RAB40B: variants seen among roughly 807,000 people sequenced by gnomAD.
The protein encoded by RAB40B is ras-related protein Rab-40B.
In RAB40B, 21 loss-of-function variants were observed where a neutral mutation model predicts 24.0. The observed-to-expected ratio is 0.88, with a 90% CI of 0.62 to 1.26. RAB40B has a LOEUF of 1.26. Ranked by LOEUF, RAB40B falls within the 50% of genes most tolerant of loss-of-function variation. The pLI is 0.00. For missense variants in RAB40B, 348 were observed against 390.5 expected (o/e 0.89, Z 0.92); for synonymous variants, 167 against 169.8 (o/e 0.98, Z 0.13).
chr17:82,665,228 A>T (rs1354720055), intron 1 of RAB40B, among the ~76,000 whole-genome samples: 1 of 148,630 alleles, frequency 6.7e-6, no homozygotes, highest in African/African-American at 2.5e-5. Flanking sequence ...CAAACAAACA[A>T]AAAAAAAACC....
chr17:82,659,573 A>C lies in RAB40B; in HGVS notation c.342+7T>G, dbSNP rs1412027512. On this transcript the variant is annotated splice_region_variant and intron_variant, in intron 4 of 5. Transcript: ENST00000571995. Reference sequence around the variant, plus strand: ...GGATCTTGGGCAGTGGCATTTCTACAACATACCTCATCGATCTCCTTAATC... The same window carrying C: ...GGATCTTGGGCAGTGGCATTTCTACCACATACCTCATCGATCTCCTTAATC... The C allele has an allele frequency of 4.3e-6, 7 of 1,613,850 alleles. No individual in the cohort carries two copies. Among genetic ancestry groups the C allele is most frequent in the Non-Finnish European group, 5.1e-6 (6 of 1,179,890 alleles).
At position 82,694,325 on chromosome 17, in the gene RAB40B, T is replaced by C. The variant is rs150046812; in HGVS notation, c.142+4130A>G. Reference sequence around the variant, plus strand: ...TAAGCAGATCACCTGAGGTTAGGGGTTCGAGACCACCCTGGCCAACATGGA... The same window carrying C: ...TAAGCAGATCACCTGAGGTTAGGGGCTCGAGACCACCCTGGCCAACATGGA... On this transcript the variant is annotated intron_variant, in intron 1 of 5. Transcript: ENST00000571995. Among the ~76,000 whole-genome samples the C allele has an allele frequency of 1.1e-3, 171 of 151,032 alleles. 4 individuals are homozygous for C. Among genetic ancestry groups the C allele is most frequent in the Middle Eastern group, 6.8e-3 (2 of 294 alleles).
intron 1 of RAB40B, among the ~76,000 whole-genome samples, chr17:82,685,408 C>G (rs996366735): frequency 3.3e-5 from 5 of 152,114 alleles, no homozygotes; most frequent in African/African-American, 1.2e-4. Context: ...AGTCCTTCAC[C>G]GCACACAGGG....
chr17:82,684,165 G>A (rs576389964), intron 1 of RAB40B, among the ~76,000 whole-genome samples: 1 of 149,454 alleles, frequency 6.7e-6, no homozygotes, highest in Admixed American at 6.7e-5. Context: ...GGGTTGCAGT[G>A]AGCCAAGATT....
At chr17:82,683,551 G>A (rs1380832382) in intron 1 of RAB40B, among the ~76,000 whole-genome samples, 1 of 152,184 alleles carries the variant, frequency 6.6e-6, no homozygotes, top group African/African-American at 2.4e-5. Flanking sequence ...ACTTTGGGAG[G>A]CCGAGGTAGG....
chr17:82,657,765 C>T lies in RAB40B; in HGVS notation c.*98G>A, dbSNP rs1190660712. On this transcript the variant is annotated 3_prime_UTR_variant, in exon 6 of 6. Transcript: ENST00000571995. ...CGCACACATTCGCAAGCAGCATTCG[C>T]CGAGAGGAACCGGGATCTGAGATGC... 1 of 1,417,044 alleles carries T rather than the reference C, an allele frequency of 7.1e-7. No homozygotes were observed. Among genetic ancestry groups the T allele is most frequent in the East Asian group, 2.3e-5 (1 of 43,880 alleles). The allele number at this position is 1,417,044 out of a possible 1,614,324, so 87.8% of individuals were successfully genotyped here. A position where few individuals can be genotyped will look rare whatever the true frequency, so the allele number is the denominator to read the frequency against.
At chr17:82,671,552 TACTC>T (rs2046336449) in intron 1 of RAB40B, among the ~76,000 whole-genome samples, 1 of 109,362 alleles carries the variant, frequency 9.1e-6, no homozygotes, top group Non-Finnish European at 2.0e-5. Flanking sequence ...ACGCTCCCTG[TACTC>T]ACTGACACAC....
At chr17:82,688,821 C>A (rs2046528284) in intron 1 of RAB40B, among the ~76,000 whole-genome samples, 1 of 152,154 alleles carries the variant, frequency 6.6e-6, no homozygotes, top group African/African-American at 2.4e-5. Flanking sequence ...GTAATCCCAG[C>A]TACTCAGGAC....
chr17:82,676,730 C>T (rs559400983), intron 1 of RAB40B, among the ~76,000 whole-genome samples: 3 of 152,142 alleles, frequency 2.0e-5, no homozygotes, highest in East Asian at 3.9e-4. Context: ...TGGATTCAAG[C>T]GATTCTCCTG....
intron 1 of RAB40B, among the ~76,000 whole-genome samples, chr17:82,677,997 A>G (rs146649992): frequency 8.2e-4 from 125 of 152,380 alleles, no homozygotes; most frequent in Admixed American, 1.4e-3. Context: ...ATGTCTGCCT[A>G]GAGAAATCCT....
In RAB40B at chr17:82,664,567, G is replaced by A. The variant is rs779131285; in HGVS notation, c.143-11C>T. ...TCTTGTAGTCGATGCCTGCGGAAGG[G>A]TTAGAGACGGCTTAGGCCTGAGGCT... On this transcript the variant is annotated splice_polypyrimidine_tract_variant and intron_variant, in intron 1 of 5. Transcript: ENST00000571995. The A allele has an allele frequency of 6.2e-7, 1 of 1,613,276 alleles. No homozygotes were observed. The highest frequency in any genetic ancestry group is 8.5e-7 in the Non-Finnish European group (1 of 1,179,380).
At position 82,657,399 on chromosome 17, in the gene RAB40B, C is replaced by G. The variant is rs181184826; in HGVS notation, c.*464G>C. The G allele has an allele frequency of 2.5e-4, 79 of 312,400 alleles. No homozygotes were observed. The highest frequency in any genetic ancestry group is 1.7e-3 in the African/African-American group (79 of 45,722). 19.4% of individuals were successfully genotyped at this position (312,400 alleles called of 1,614,324 possible). ...TTGCACATAACCTCTACATCTGCAG[C>G]GTTTTATAAATTGGCGCTTTGACAT... On this transcript the variant is annotated 3_prime_UTR_variant, in exon 6 of 6. Coordinates refer to ENST00000571995, the MANE Select transcript of RAB40B (RefSeq NM_006822.3).
At chr17:82,688,763 G>A (rs377345816) in intron 1 of RAB40B, among the ~76,000 whole-genome samples, 20 of 151,946 alleles carry the variant, frequency 1.3e-4, no homozygotes, top group Middle Eastern at 3.4e-3. Flanking sequence ...GTGAAACCCC[G>A]TCTTTACTAA....
chr17:82,658,725 G>A lies in RAB40B; in HGVS notation c.343-12C>T, dbSNP rs1176641410. On this transcript the variant is annotated splice_polypyrimidine_tract_variant and intron_variant, in intron 4 of 5. Coordinates refer to ENST00000571995, the MANE Select transcript of RAB40B (RefSeq NM_006822.3). ...ACTCCGGGGGCATGCTAGCGGGCAG[G>A]AGAAAGGCGAGGAGCATGGGTTACT... The A allele has an allele frequency of 6.2e-7, 1 of 1,601,964 alleles. No individual in the cohort carries two copies. Among genetic ancestry groups the A allele is most frequent in the Non-Finnish European group, 8.5e-7 (1 of 1,173,268 alleles).
intron 1 of RAB40B, among the ~76,000 whole-genome samples, chr17:82,679,237 G>C (rs1025986119): frequency 5.3e-5 from 8 of 151,426 alleles, no homozygotes; most frequent in Non-Finnish European, 1.2e-4. Context: ...TTCTCCGGTA[G>C]CCTGAAGGAC....
At chr17:82,694,829 G>A (rs2046592435) in intron 1 of RAB40B, among the ~76,000 whole-genome samples, 2 of 151,678 alleles carry the variant, frequency 1.3e-5, no homozygotes, top group Non-Finnish European at 2.9e-5. Context: ...ATTATACCCA[G>A]CCAAGATATC....
At chr17:82,672,073 T>C (rs62641989) in intron 1 of RAB40B, among the ~76,000 whole-genome samples, 12,616 of 16,726 alleles carry the variant, frequency 0.75, 4,484 homozygotes, top group South Asian at 0.83. Flanking sequence ...CACACACACA[T>C]GCTCCCTGTA....
At chr17:82,676,921 C>T (rs1167397949) in intron 1 of RAB40B, among the ~76,000 whole-genome samples, 6 of 149,224 alleles carry the variant, frequency 4.0e-5, no homozygotes, top group East Asian at 2.0e-4. Flanking sequence ...CTACCGCGCC[C>T]GGCCGGTAGC....
intron 4 of RAB40B, chr17:82,658,951 A>G (rs2046125026): frequency 1.2e-5 from 6 of 504,804 alleles, no homozygotes; most frequent in Non-Finnish European, 1.8e-5. Context: ...AGACACAGAC[A>G]CTCGGAGGAG....
Sources: allele counts gnomAD v4.1 joint callset (sites outside exome capture counted in the v4.1 genomes callset), GRCh38; gene constraint gnomAD v4.1.1; transcripts MANE v1.5; gene names NCBI Gene and HGNC (gene_info 2026-07-23, HGNC 2026-07-21).